The following KIF23 variants were observed in gnomAD, a reference collection of about 807,000 sequenced individuals.
KIF23 encodes the protein kinesin family member 23.
A neutral mutation model predicts 137.5 loss-of-function variants in KIF23; 30 were observed. The ratio of observed to expected loss-of-function variants is 0.22; its 90% confidence interval spans 0.16 to 0.30. The LOEUF (loss-of-function observed/expected upper bound fraction) is 0.30. Ranked by LOEUF, KIF23 falls within the 10% of genes least tolerant of loss-of-function variation. The pLI is 1.00. For synonymous variants in KIF23, 367 were observed against 391.1 expected (o/e 0.94, Z 0.73); for missense variants, 920 against 1,194.3 (o/e 0.77, Z 3.38).
At chr15:69,421,612 A>C in intron 3 of KIF23, 35 bp from the exon 4 acceptor site, 1 of 1,275,942 alleles carries the variant, frequency 7.8e-7, no homozygotes, top group Non-Finnish European at 1.1e-6. Flanking sequence ...ATAATAGTGG[A>C]ATTCTATTTA....
At chr15:69,425,216 G>C in intron 7 of KIF23, 66 bp from the exon 8 acceptor site, 2 of 1,217,788 alleles carry the variant, frequency 1.6e-6, no homozygotes, top group Non-Finnish European at 2.3e-6. Context: ...ACATAGTCTG[G>C]ACTGAACATG....
chr15:69,435,621 G>A (rs748328057), intron 12 of KIF23, 31 bp from the exon 13 acceptor site: 26 of 1,611,766 alleles, frequency 1.6e-5, no homozygotes, highest in East Asian at 1.1e-4. Flanking sequence ...TTTTTTTTGC[G>A]TAACACATTT....
At chr15:69,423,863 C>T (rs1051326506) in intron 7 of KIF23, among the ~76,000 whole-genome samples, 17 of 152,106 alleles carry the variant, frequency 1.1e-4, no homozygotes, top group Non-Finnish European at 1.6e-4. Context: ...CTTTCTGAGA[C>T]GTAAGACTGG....
chr15:69,417,548 A>G lies in KIF23; in HGVS notation c.210+37A>G, dbSNP rs776161129. On this transcript the variant is annotated intron_variant, in intron 3 of 23. Coordinates refer to ENST00000679126, the MANE Select transcript of KIF23 (RefSeq NM_001367805.3). Reference sequence around the variant, plus strand: ...TTGGACCAAGTTGTTTTTACTCAATATGTTGTTTCCTGAATGACTTCTAGA... The same window carrying G: ...TTGGACCAAGTTGTTTTTACTCAATGTGTTGTTTCCTGAATGACTTCTAGA... The G allele has an allele frequency of 2.8e-5, 45 of 1,591,224 alleles. No homozygotes were observed. The Admixed American group carries it at 8.2e-4, about 29-fold the overall frequency.
chr15:69,418,455 G>T (rs568365899), intron 3 of KIF23, among the ~76,000 whole-genome samples: 1 of 152,018 alleles, frequency 6.6e-6, no homozygotes, highest in Non-Finnish European at 1.5e-5. Flanking sequence ...TTCCTCCCTT[G>T]TTTTCTTCTC....
intron 5 of KIF23, 40 bp from the exon 6 acceptor site, chr15:69,422,286 A>G (rs2057075584): frequency 6.8e-6 from 10 of 1,476,002 alleles, no homozygotes; most frequent in Non-Finnish European, 9.3e-6. Context: ...TAAATTCTAA[A>G]AAACGTGGTG....
rs773326298 is a variant in KIF23, at chr15:69,444,787, CAGTT to C, written c.2422-1_2424del. Reference sequence around the variant, plus strand: ...TTAATTCTGGGTTATGCTTGTTTCTCAGTTACTCTTTCAACCTGATCAGAACGCA... The same window carrying C: ...TTAATTCTGGGTTATGCTTGTTTCTCACTCTTTCAACCTGATCAGAACGCA... On this transcript the variant is annotated splice_acceptor_variant and coding_sequence_variant, in exon 20 of 24. Transcript: ENST00000679126. LOFTEE classifies it high-confidence loss of function. This position sits in a 1 kb window ranked among gnomAD's most constrained non-coding sequence, Gnocchi z 4.2. 2.5e-6 allele frequency: 4 copies of C among 1,612,738 alleles called. No homozygotes were observed. The highest frequency in any genetic ancestry group is 2.5e-6 in the Non-Finnish European group (3 of 1,179,078).
intron 11 of KIF23, among the ~76,000 whole-genome samples, chr15:69,433,779 C>T (rs894816219): frequency 6.6e-6 from 1 of 151,906 alleles, no homozygotes; most frequent in Non-Finnish European, 1.5e-5. Context: ...GGTAGCAGCA[C>T]ACTTATTTGG....
rs549334426 is a variant in KIF23 at position 69,432,696 on chromosome 15, T to C, written c.1115-2787T>C. On this transcript the variant is annotated intron_variant, in intron 11 of 23. Transcript: ENST00000679126. The stretch of plus-strand genomic sequence containing the variant: ...GGATTACAGAGGAAACCAATTGCAT[T>C]GAAATGTGTTTTAAAAGTATTCTTA... Among the ~76,000 whole-genome samples, 75 of 152,210 alleles carry C rather than the reference T, an allele frequency of 4.9e-4. 2 individuals are homozygous for C. The highest frequency in any genetic ancestry group is 1.0e-3 in the Non-Finnish European group (69 of 68,030).
chr15:69,414,511 G>T (rs747999732), intron 1 of KIF23, 35 bp downstream of exon 1: 1 of 1,553,312 alleles, frequency 6.4e-7, no homozygotes, highest in African/African-American at 1.4e-5. Flanking sequence ...GAGAGAGGGC[G>T]GACGGGGGCC....
chr15:69,438,151 G>A, intron 15 of KIF23, 97 bp from the exon 16 acceptor site: 1 of 1,073,058 alleles, frequency 9.3e-7, no homozygotes, highest in Non-Finnish European at 1.3e-6. Flanking sequence ...GAGATTTGCT[G>A]AATAACTACA....
Position 69,440,106 on chromosome 15 carries a change from C to CA in KIF23, c.1929+30dup, listed in dbSNP as rs2057578472. 3.1e-6 allele frequency: 5 copies of CA among 1,599,344 alleles called. No homozygotes were observed. The South Asian group carries it at 5.6e-5, about 18-fold the overall frequency. The stretch of plus-strand genomic sequence containing the variant: ...AGTATCGTTTGGGTAGTGCTTGTCT[C>CA]AGAGTCGGATGATTTATTTTACATT... On this transcript the variant is annotated intron_variant, in intron 17 of 23. Transcript: ENST00000679126.
At position 69,435,517 on chromosome 15, in the gene KIF23, A is replaced by G. The variant is rs1171262792; in HGVS notation, c.1149A>G (p.Thr383=). The G allele has an allele frequency of 6.2e-7, 1 of 1,614,098 alleles. No individual in the cohort carries two copies. The highest frequency in any genetic ancestry group is 1.1e-5 in the South Asian group (1 of 91,080). ...ATCAGTCACTAATGACGCTAAGAAC[A>G]TGTATGGATGTCCTAAGAGAGAACC... ...NINQSLMTLR[T]CMDVLRENQM... is the part of the protein sequence containing the mutation. The change falls in exon 12 of 24, where the codon ACA becomes ACG. Residue 383 remains threonine (T), a synonymous_variant. Transcript: ENST00000679126.
rs1458805336 is a variant in KIF23 at position 69,425,278 on chromosome 15, G to C, written c.735-4G>C. 3 of 1,535,756 alleles carry C rather than the reference G, an allele frequency of 2.0e-6. No homozygotes were observed. Among genetic ancestry groups the C allele is most frequent in the Non-Finnish European group, 2.6e-6 (3 of 1,146,628 alleles). ...CAGTAACTTCTACCTTATTCCTTTG[G>C]TAGGTGGAACAGTTGCAGCACACCC... On this transcript the variant is annotated splice_polypyrimidine_tract_variant and splice_region_variant and intron_variant, in intron 7 of 23. Coordinates refer to ENST00000679126, the MANE Select transcript of KIF23 (RefSeq NM_001367805.3).
intron 1 of KIF23, chr15:69,414,720 A>G: frequency 2.5e-6 from 1 of 405,060 alleles, no homozygotes; most frequent in East Asian, 3.8e-5. Context: ...CCAAGGGGCC[A>G]GGAAGGGTCG....
chr15:69,447,418 C>T (rs903258931), intron 23 of KIF23, among the ~76,000 whole-genome samples: 2 of 152,100 alleles, frequency 1.3e-5, no homozygotes, highest in African/African-American at 4.8e-5. Context: ...TTCTGTTAAA[C>T]TTATACTCAG....
At chr15:69,423,102 A>C in intron 6 of KIF23, 57 bp from the exon 7 acceptor site, 1 of 1,180,504 alleles carries the variant, frequency 8.5e-7, no homozygotes, top group Admixed American at 2.1e-5. Context: ...CCCGGCTGGG[A>C]TCATTTACTT....
intron 15 of KIF23, among the ~76,000 whole-genome samples, chr15:69,437,558 T>A (rs1004475977): frequency 6.6e-6 from 1 of 151,374 alleles, no homozygotes; most frequent in African/African-American, 2.4e-5. Context: ...CCTCCTGGGT[T>A]CAAGCGATTT....
At chr15:69,420,045 A>T (rs2057015038) in intron 3 of KIF23, among the ~76,000 whole-genome samples, 1 of 152,192 alleles carries the variant, frequency 6.6e-6, no homozygotes, top group African/African-American at 2.4e-5. Flanking sequence ...CAGAGGGATT[A>T]CTTGAGATCA....
Sources: allele counts gnomAD v4.1 joint callset (sites outside exome capture counted in the v4.1 genomes callset), GRCh38; gene constraint gnomAD v4.1.1; non-coding constraint Gnocchi (gnomAD v3.1); transcripts MANE v1.5; gene names NCBI Gene and HGNC (gene_info 2026-07-23, HGNC 2026-07-21).